ZNF568: variants seen among roughly 807,000 people sequenced by gnomAD.
ZNF568 encodes p53 inhibitor of SCO2 activation.
In ZNF568, 11 loss-of-function variants were observed where a neutral mutation model predicts 18.1. The ratio of observed to expected loss-of-function variants is 0.61; its 90% CI spans 0.38 to 1.00. The LOEUF (loss-of-function observed/expected upper bound fraction) is 1.00. ZNF568 is among the 50% of genes least tolerant of loss of function. The pLI, the probability that ZNF568 is intolerant of heterozygous loss-of-function variation, is 0.01. For synonymous variants in ZNF568, 213 were observed against 246.6 expected, an observed-to-expected ratio of 0.86 and a Z score of 1.28; for missense variants, 639 against 768.2, an observed-to-expected ratio of 0.83 and a Z score of 1.99.
chr19:36,975,680 A>ATTTTTT (rs2074278315), intron 7 of ZNF568, among the ~76,000 whole-genome samples: 10 of 46,798 alleles, frequency 2.1e-4, no homozygotes, highest in African/African-American at 3.7e-4. Flanking sequence ...CCGCGCCAAG[A>ATTTTTT]CTTTTTTTTT....
rs536367708 is a variant in ZNF568 at position 36,925,502 on chromosome 19, C to T, written c.135+244C>T. ...TGGACAGTCAAAGCAAACTGGGACA[C>T]TTAAGTTTATTCCGTAAGTCCATAA... On this transcript the variant is annotated intron_variant, in intron 4 of 6. Transcript: ENST00000333987. Among the ~76,000 whole-genome samples the T allele has an allele frequency of 7.2e-5, 11 of 152,238 alleles. No homozygotes were observed. In the South Asian group the frequency reaches 2.1e-3, roughly 29 times the overall value.
exon 5 of ZNF568, chr19:36,997,232 A>T (rs535249135): frequency 1.5e-5 from 24 of 1,608,928 alleles, no homozygotes; most frequent in Non-Finnish European, 2.0e-5. Flanking sequence ...GAATGTGGGA[A>T]AGCCTTTATC....
At chr19:36,965,511 G>A (rs2074187394) in intron 6 of ZNF568, among the ~76,000 whole-genome samples, 1 of 152,088 alleles carries the variant, frequency 6.6e-6, no homozygotes, top group Admixed American at 6.6e-5. Flanking sequence ...CTTATAGAAG[G>A]CCGAATACAC....
chr19:36,983,451 G>A (rs553950622), downstream of ZNF568, among the ~76,000 whole-genome samples: 44 of 152,214 alleles, frequency 2.9e-4, no homozygotes, highest in South Asian at 8.5e-3. Flanking sequence ...AATGTGCATC[G>A]TTTTCTTAGT....
At chr19:36,938,370 C>T (rs778115318) in intron 6 of ZNF568, among the ~76,000 whole-genome samples, 52 of 152,192 alleles carry the variant, frequency 3.4e-4, no homozygotes, top group Non-Finnish European at 6.3e-4. Flanking sequence ...TAACAGAACT[C>T]AGTGAGGTGG....
chr19:36,943,865 A>G (rs2073921926), intron 6 of ZNF568, among the ~76,000 whole-genome samples: 1 of 151,954 alleles, frequency 6.6e-6, no homozygotes, highest in South Asian at 2.1e-4. Flanking sequence ...GAGCCACCAC[A>G]CCAGGCCCAT....
chr19:36,918,607 C>T (rs1242302425), intron 2 of ZNF568, among the ~76,000 whole-genome samples: 2 of 152,148 alleles, frequency 1.3e-5, no homozygotes, highest in Non-Finnish European at 2.9e-5. Context: ...ACTATGTATA[C>T]ACACATGTAT....
At chr19:36,942,368 G>C (rs1426344778) in intron 6 of ZNF568, among the ~76,000 whole-genome samples, 1 of 151,750 alleles carries the variant, frequency 6.6e-6, no homozygotes, top group Non-Finnish European at 1.5e-5. Flanking sequence ...GGGAGGCCAA[G>C]GTGGGCAGAT....
intron 6 of ZNF568, among the ~76,000 whole-genome samples, chr19:36,969,158 A>G (rs1405016780): frequency 6.6e-6 from 1 of 151,330 alleles, no homozygotes; most frequent in Non-Finnish European, 1.5e-5. Context: ...CCCAGCCCCA[A>G]TACAAGTTCT....
intron 6 of ZNF568, among the ~76,000 whole-genome samples, chr19:36,961,271 T>A (rs954831756): frequency 2.4e-5 from 2 of 83,392 alleles, no homozygotes; most frequent in Admixed American, 1.4e-4. Context: ...AATGACCTTC[T>A]TTGTCTTTTT....
chr19:36,947,614 G>A (rs1419051074), intron 6 of ZNF568, among the ~76,000 whole-genome samples: 2 of 152,102 alleles, frequency 1.3e-5, no homozygotes, highest in Non-Finnish European at 2.9e-5. Flanking sequence ...GTGTGTAACT[G>A]CTCCCTACTC....
intron 2 of ZNF568, among the ~76,000 whole-genome samples, chr19:36,990,502 C>A (rs1281373024): frequency 6.6e-6 from 1 of 152,188 alleles, no homozygotes; most frequent in Non-Finnish European, 1.5e-5. Context: ...GTGGTCCCAG[C>A]TACTCAGGAG....
chr19:36,959,541 A>C (rs2146321542), intron 6 of ZNF568, among the ~76,000 whole-genome samples: 1 of 151,972 alleles, frequency 6.6e-6, no homozygotes, highest in East Asian at 1.9e-4. Context: ...AACTGGGGAG[A>C]ATTCTCTCCT....
At chr19:36,984,582 C>T (rs1004186944), downstream of ZNF568, among the ~76,000 whole-genome samples, 2 of 151,886 alleles carry the variant, frequency 1.3e-5, no homozygotes, top group African/African-American at 2.4e-5. Context: ...CATGTATTTA[C>T]GACTTTCTTG....
intron 2 of ZNF568, among the ~76,000 whole-genome samples, chr19:36,922,146 G>A (rs774680396): frequency 5.3e-4 from 81 of 152,260 alleles, no homozygotes; most frequent in African/African-American, 1.9e-3. Flanking sequence ...TCTTCACTGC[G>A]TATTTGGGCT....
At chr19:36,927,887 TTATA>T (rs1420036962) in intron 4 of ZNF568, among the ~76,000 whole-genome samples, 1 of 39,070 alleles carries the variant, frequency 2.6e-5, no homozygotes, top group Non-Finnish European at 3.9e-5. Flanking sequence ...TATATATATA[TTATA>T]TATATATATA....
At chr19:36,934,791 A>C (rs1458175846) in intron 4 of ZNF568, among the ~76,000 whole-genome samples, 1 of 151,766 alleles carries the variant, frequency 6.6e-6, no homozygotes, top group Non-Finnish European at 1.5e-5. Flanking sequence ...TTCCATTGTG[A>C]TTTTGTTGAT....
chr19:36,942,786 G>A (rs1049782564), intron 6 of ZNF568, among the ~76,000 whole-genome samples: 1 of 151,904 alleles, frequency 6.6e-6, no homozygotes, highest in Admixed American at 6.6e-5. Flanking sequence ...ACTACCATAT[G>A]TATTGCCAAG....
At chr19:36,939,014 A>T (rs1055210958) in intron 6 of ZNF568, among the ~76,000 whole-genome samples, 2 of 152,196 alleles carry the variant, frequency 1.3e-5, no homozygotes, top group Non-Finnish European at 2.9e-5. Context: ...TTACAGAAGG[A>T]TAGTGTTGAA....
Sources: allele counts gnomAD v4.1 joint callset (sites outside exome capture counted in the v4.1 genomes callset), GRCh38; gene constraint gnomAD v4.1.1; transcripts MANE v1.5; gene names NCBI Gene and HGNC (gene_info 2026-07-23, HGNC 2026-07-21).